The following SLC35G2 variants were observed in gnomAD, a reference collection of about 807,000 sequenced individuals.
SLC35G2 encodes solute carrier family 35 member G2, also known as transmembrane protein 22.
SLC35G2 carries 20 observed loss-of-function variants against 27.2 expected under a neutral mutation model. That is an observed-to-expected ratio of 0.74 (90% confidence interval 0.52 to 1.07). The LOEUF (loss-of-function observed/expected upper bound fraction) is 1.07, where lower values mean the gene tolerates loss of function less well. SLC35G2 is among the 50% of genes least tolerant of loss of function. The probability of loss-of-function intolerance (pLI) is 0.00; values close to 1 mark genes in which losing one functional copy is unlikely to be tolerated. For missense variants in SLC35G2, 416 were observed against 493.3 expected (o/e 0.84, Z 1.48); for synonymous variants, 148 against 165.3 (o/e 0.90, Z 0.80).
At chr3:136,836,489 T>C (rs1247209725) in intron 1 of SLC35G2, among the ~76,000 whole-genome samples, 2 of 152,180 alleles carry the variant, frequency 1.3e-5, no homozygotes, top group Non-Finnish European at 2.9e-5. Context: ...ACCTCAGTGC[T>C]GTAATTACTT....
chr3:136,851,771 T>C (rs1937645983), intron 1 of SLC35G2, among the ~76,000 whole-genome samples: 1 of 152,060 alleles, frequency 6.6e-6, no homozygotes, highest in Non-Finnish European at 1.5e-5. Context: ...GCTTGAGAAG[T>C]TTTTGTTTTT....
intron 1 of SLC35G2, among the ~76,000 whole-genome samples, chr3:136,821,182 T>C (rs1384855285): frequency 6.6e-6 from 1 of 152,140 alleles, no homozygotes; most frequent in African/African-American, 2.4e-5. Context: ...TAGAAAACCA[T>C]TGTAAACAGA....
intron 1 of SLC35G2, among the ~76,000 whole-genome samples, chr3:136,850,862 T>C (rs1289856259): frequency 6.6e-6 from 1 of 151,954 alleles, no homozygotes; most frequent in African/African-American, 2.4e-5. Flanking sequence ...GGAGGGGTGG[T>C]GTACAAGTGT....
chr3:136,830,407 C>T (rs923898785), intron 1 of SLC35G2, among the ~76,000 whole-genome samples: 4 of 152,042 alleles, frequency 2.6e-5, no homozygotes, highest in African/African-American at 7.2e-5. Flanking sequence ...CTCAGCCTCC[C>T]GAATAGCTGG....
chr3:136,830,907 C>G (rs1936714824), intron 1 of SLC35G2, among the ~76,000 whole-genome samples: 1 of 152,158 alleles, frequency 6.6e-6, no homozygotes, highest in Non-Finnish European at 1.5e-5. Context: ...TATATGTGAA[C>G]TCAATCCACA....
intron 1 of SLC35G2, among the ~76,000 whole-genome samples, chr3:136,826,653 A>T (rs989063161): frequency 6.6e-6 from 1 of 151,522 alleles, no homozygotes; most frequent in Non-Finnish European, 1.5e-5. Flanking sequence ...TTATTTATTT[A>T]TTTTTTTGAG....
At chr3:136,822,607 G>C (rs544142888) in intron 1 of SLC35G2, among the ~76,000 whole-genome samples, 4 of 152,162 alleles carry the variant, frequency 2.6e-5, no homozygotes, top group Non-Finnish European at 5.9e-5. Flanking sequence ...GAGCCACTGC[G>C]CCCAGCGTAC....
At chr3:136,840,559 TTC>T (rs1472004253) in intron 1 of SLC35G2, among the ~76,000 whole-genome samples, 2 of 149,442 alleles carry the variant, frequency 1.3e-5, no homozygotes, top group African/African-American at 2.5e-5. Flanking sequence ...CCTTCTCTTT[TTC>T]TCTCTTTTCC....
Position 136,854,626 on chromosome 3 carries a change from G to T in SLC35G2, c.166G>T (p.Gly56Cys). ...TTTTATGGAGGAAAATCCAAAGAAA[G>T]GTCTGCTGAGTGAAATGAAAAAAAA... ...GNFMEENPKKGLLSEMKKKGR... is the reference protein window; with the variant it reads ...GNFMEENPKKCLLSEMKKKGR... The change falls in exon 2 of 2, where the codon GGT becomes TGT. Residue 56 changes from glycine to cysteine, a missense_variant. Coordinates refer to ENST00000446465, the MANE Select transcript of SLC35G2 (RefSeq NM_025246.3). The T allele has an allele frequency of 6.2e-7, 1 of 1,613,282 alleles. No homozygotes were observed. Among genetic ancestry groups the T allele is most frequent in the Non-Finnish European group, 8.5e-7 (1 of 1,179,850 alleles).
In SLC35G2 at chr3:136,854,850, A is replaced by C; in HGVS notation, c.390A>C (p.Lys130Asn). The C allele has an allele frequency of 6.2e-7, 1 of 1,614,196 alleles. No individual in the cohort carries two copies. The highest frequency in any genetic ancestry group is 8.5e-7 in the Non-Finnish European group (1 of 1,180,022). The change falls in exon 2 of 2, where the codon AAA becomes AAC. Residue 130 changes from lysine to asparagine, a missense_variant. Physicochemically the swap from Lys to Asn is moderately conservative, Grantham distance 94. Coordinates refer to ENST00000446465, the MANE Select transcript of SLC35G2 (RefSeq NM_025246.3). Reference protein sequence around the residue: ...LITRLVSDRSKVPSLELIFIR... With the variant: ...LITRLVSDRSNVPSLELIFIR... ...CTAGGCTTGTTTCTGATCGGTCTAA[A>C]GTTCCATCTCTAGAACTGATTTTTA...
chr3:136,823,242 A>G (rs1576884299), intron 1 of SLC35G2, among the ~76,000 whole-genome samples: 1 of 152,180 alleles, frequency 6.6e-6, no homozygotes, highest in South Asian at 2.1e-4. Flanking sequence ...TCTTTTGCCC[A>G]TTTAAAAATT....
At chr3:136,835,405 A>C (rs898151586) in intron 1 of SLC35G2, among the ~76,000 whole-genome samples, 3 of 148,456 alleles carry the variant, frequency 2.0e-5, no homozygotes, top group Non-Finnish European at 4.4e-5. Context: ...CAGGAATGTG[A>C]TAGAAGTGAA....
intron 1 of SLC35G2, among the ~76,000 whole-genome samples, chr3:136,836,122 TCA>T (rs541613603): frequency 2.0e-5 from 3 of 151,620 alleles, no homozygotes; most frequent in South Asian, 2.1e-4. Context: ...GCTAGGAAAT[TCA>T]CACACACACA....
chr3:136,827,136 TTGAG>T (rs568649361), intron 1 of SLC35G2, among the ~76,000 whole-genome samples: 298 of 152,118 alleles, frequency 2.0e-3, no homozygotes, highest in African/African-American at 7.1e-3. Flanking sequence ...AACTTTTTGT[TTGAG>T]TGACCTTATG....
intron 1 of SLC35G2, among the ~76,000 whole-genome samples, chr3:136,841,123 C>T (rs1001436551): frequency 6.6e-6 from 1 of 151,842 alleles, no homozygotes; most frequent in African/African-American, 2.4e-5. Context: ...ACCACCATGC[C>T]CCACCCCTCC....
At chr3:136,821,402 AATT>A (rs1936452514) in intron 1 of SLC35G2, among the ~76,000 whole-genome samples, 1 of 152,186 alleles carries the variant, frequency 6.6e-6, no homozygotes, top group Non-Finnish European at 1.5e-5. Flanking sequence ...GACTTAAAAA[AATT>A]ATTGTGGAAA....
intron 1 of SLC35G2, among the ~76,000 whole-genome samples, chr3:136,836,224 T>C (rs536816779): frequency 6.6e-6 from 1 of 152,294 alleles, no homozygotes; most frequent in East Asian, 1.9e-4. Context: ...CTAGCTCTAC[T>C]CCAACACTAC....
Position 136,848,942 on chromosome 3 carries a change from G to A in SLC35G2, c.-18-5501G>A, listed in dbSNP as rs538221114. ...GGCCTGTAATCTCAGCACTTTGGGAGGCTGAGGCAGGCGGATCACCTGAGG... is the reference window on the plus strand; with the variant it reads ...GGCCTGTAATCTCAGCACTTTGGGAAGCTGAGGCAGGCGGATCACCTGAGG... On this transcript the variant is annotated intron_variant, in intron 1 of 1. Transcript: ENST00000446465. Among the ~76,000 whole-genome samples the A allele has an allele frequency of 5.3e-5, 8 of 152,244 alleles. No homozygotes were observed. The South Asian group carries it at 1.5e-3, about 28-fold the overall frequency.
intron 1 of SLC35G2, among the ~76,000 whole-genome samples, chr3:136,831,065 A>G (rs1023615261): frequency 6.6e-6 from 1 of 152,214 alleles, no homozygotes; most frequent in African/African-American, 2.4e-5. Context: ...GGAAAGGAGA[A>G]ATATTAGGTG....
Sources: allele counts gnomAD v4.1 joint callset (sites outside exome capture counted in the v4.1 genomes callset), GRCh38; gene constraint gnomAD v4.1.1; transcripts MANE v1.5; gene names NCBI Gene and HGNC (gene_info 2026-07-23, HGNC 2026-07-21).